TNS1: variants seen among roughly 807,000 people sequenced by gnomAD.
The protein encoded by TNS1 is tensin 1, also known as tensin-1.
Under a neutral mutation model 168.6 loss-of-function variants are expected in TNS1, and 62 were observed. The observed-to-expected ratio is 0.37, with a 90% CI of 0.30 to 0.45. The LOEUF is 0.45. Among genes scored for constraint, TNS1 ranks in the 20% least tolerant of loss-of-function variants. The probability of loss-of-function intolerance (pLI) is 1.00; values close to 1 mark genes in which losing one functional copy is unlikely to be tolerated. For missense variants in TNS1, 2,240 were observed against 2,339.4 expected (o/e 0.96, Z 0.88); for synonymous variants, 934 against 933.2 (o/e 1.00, Z -0.02).
At chr2:217,846,048 G>A (rs575330805) in intron 19 of TNS1, among the ~76,000 whole-genome samples, 1 of 152,238 alleles carries the variant, frequency 6.6e-6, no homozygotes, top group South Asian at 2.1e-4. Flanking sequence ...AAAGCCAGGG[G>A]GGTATCTTTA....
intron 3 of TNS1, among the ~76,000 whole-genome samples, chr2:217,921,880 C>T (rs1955727195): frequency 1.3e-5 from 2 of 152,146 alleles, no homozygotes; most frequent in South Asian, 2.1e-4. Context: ...CCCACAGTTG[C>T]GGTGCGCGGG....
At position 217,848,445 on chromosome 2, in the gene TNS1, C is replaced by A. The variant is rs752348651; in HGVS notation, c.2072G>T (p.Arg691Leu). 1 of 1,611,814 alleles carries A rather than the reference C, an allele frequency of 6.2e-7. No individual in the cohort carries two copies. ...GGGYPYESAS[R>L]AGPAHAGHTA... ...GTGGCCAGCATGGGCAGGCCCCGCC[C>A]GGCTGGCAGACTCGTAGGGGTAGCC... Residue 691 changes from arginine to leucine, a missense_variant, in exon 19 of 33, where the codon CGG becomes CTG. Physicochemically the swap from Arg to Leu is moderately radical, Grantham distance 102 (BLOSUM62 -2). This residue lies in a region of TNS1 where 2,131 missense variants were observed against 2,171.2 expected (regional missense o/e 0.98). Transcript: ENST00000682258.
intron 28 of TNS1, among the ~76,000 whole-genome samples, chr2:217,810,767 AG>A (rs1327976006): frequency 6.6e-6 from 1 of 152,256 alleles, no homozygotes; most frequent in African/African-American, 2.4e-5. Context: ...CCATTGATCC[AG>A]CATAACTCTA....
rs4672854 is a variant in TNS1 at position 217,896,336 on chromosome 2, T to C, written c.544-1280A>G. Among the ~76,000 whole-genome samples the C allele has an allele frequency of 8.4e-3, 1,286 of 152,306 alleles. 40 individuals carry two copies. The highest frequency in any genetic ancestry group is 0.061 in the Admixed American group (926 of 15,304). ...TTCAGAATACAACCTTATTTGGAAA[T>C]AGTGCCTTTGCCAGTGTAAGTAGTT... On this transcript the variant is annotated intron_variant, in intron 8 of 32. Transcript: ENST00000682258.
chr2:217,987,900 C>T (rs1018748679), intron 2 of TNS1, among the ~76,000 whole-genome samples: 17 of 152,148 alleles, frequency 1.1e-4, no homozygotes, highest in Non-Finnish European at 5.9e-5. Context: ...ATGAGGGGAA[C>T]TATCAACCTC....
intron 18 of TNS1, chr2:217,858,664 G>T: frequency 5.1e-6 from 1 of 197,236 alleles, no homozygotes; most frequent in Non-Finnish European, 6.1e-6. Flanking sequence ...CCGCCTGCCT[G>T]CCCATGTACA....
chr2:217,900,782 G>A (rs1174350348), intron 6 of TNS1, among the ~76,000 whole-genome samples: 2 of 152,152 alleles, frequency 1.3e-5, no homozygotes, highest in Non-Finnish European at 2.9e-5. Context: ...CACTGGGCTG[G>A]TGCCATCCAC....
At chr2:218,009,670 C>T (rs1958688963) in intron 1 of TNS1, among the ~76,000 whole-genome samples, 1 of 152,202 alleles carries the variant, frequency 6.6e-6, no homozygotes, top group Non-Finnish European at 1.5e-5. Context: ...TACCTCGCTG[C>T]CTTAACTCGG....
chr2:217,979,941 C>G (rs978047566), intron 2 of TNS1, among the ~76,000 whole-genome samples: 1 of 152,138 alleles, frequency 6.6e-6, no homozygotes, highest in Non-Finnish European at 1.5e-5. Flanking sequence ...TGATTCTCAG[C>G]AGACTGCAGA....
intron 4 of TNS1, among the ~76,000 whole-genome samples, chr2:217,908,663 T>C (rs1158715165): frequency 2.0e-5 from 3 of 152,242 alleles, no homozygotes; most frequent in African/African-American, 7.2e-5. Context: ...GTGCTCTCTC[T>C]GGAAATGGCC....
intron 18 of TNS1, among the ~76,000 whole-genome samples, chr2:217,873,779 C>T (rs907078034): frequency 6.6e-6 from 1 of 152,128 alleles, no homozygotes; most frequent in African/African-American, 2.4e-5. Context: ...ACAGAAGTGC[C>T]TCAGGAGAGA....
intron 12 of TNS1, among the ~76,000 whole-genome samples, chr2:217,889,185 C>T (rs1181702522): frequency 6.6e-6 from 1 of 152,254 alleles, no homozygotes; most frequent in East Asian, 1.9e-4. Context: ...CACATAAAGA[C>T]ATCCCATTTC....
chr2:217,944,539 C>A (rs1240026784), intron 3 of TNS1, among the ~76,000 whole-genome samples: 1 of 152,224 alleles, frequency 6.6e-6, no homozygotes, highest in Non-Finnish European at 1.5e-5. Context: ...TCCGCTGTTT[C>A]CAACTCATTT....
intron 16 of TNS1, among the ~76,000 whole-genome samples, chr2:217,883,176 T>C (rs532451751): frequency 2.7e-4 from 41 of 152,336 alleles, no homozygotes; most frequent in African/African-American, 9.4e-4. Flanking sequence ...CTACCCCTAC[T>C]TCCTGTCTTC....
chr2:217,819,455 T>C (rs542823201), intron 23 of TNS1, among the ~76,000 whole-genome samples: 1 of 152,334 alleles, frequency 6.6e-6, no homozygotes, highest in South Asian at 2.1e-4. Context: ...TTGGCCTGAA[T>C]GCTGTAGAGG....
chr2:217,854,146 G>A (rs1464711739), intron 18 of TNS1, among the ~76,000 whole-genome samples: 1 of 152,148 alleles, frequency 6.6e-6, no homozygotes, highest in Non-Finnish European at 1.5e-5. Context: ...GCACACACAT[G>A]GCTGGAGGAC....
intron 18 of TNS1, among the ~76,000 whole-genome samples, chr2:217,877,439 G>T (rs1950293419): frequency 6.6e-6 from 1 of 152,166 alleles, no homozygotes; most frequent in South Asian, 2.1e-4. Flanking sequence ...CTACTTCTGG[G>T]GTCTTCATCC....
At chr2:217,903,751 T>C (rs1356646317) in intron 6 of TNS1, 2 of 743,474 alleles carry the variant, frequency 2.7e-6, no homozygotes, top group East Asian at 5.4e-5. Flanking sequence ...CAGCCAACTC[T>C]TTTTGCCTTG....
chr2:217,893,383 T>C (rs993058607), intron 10 of TNS1, 56 bp downstream of exon 10: 2 of 1,515,754 alleles, frequency 1.3e-6, no homozygotes, highest in Non-Finnish European at 1.8e-6. Flanking sequence ...CACACACATG[T>C]GCGCATGTGC....
Sources: allele counts gnomAD v4.1 joint callset (sites outside exome capture counted in the v4.1 genomes callset), GRCh38; gene constraint gnomAD v4.1.1; regional missense constraint gnomAD v4.1.1; transcripts MANE v1.5; gene names NCBI Gene and HGNC (gene_info 2026-07-23, HGNC 2026-07-21).